L3MBTL1: variants seen among roughly 807,000 people sequenced by gnomAD.
The protein encoded by L3MBTL1 is lethal(3)malignant brain tumor-like protein 1.
In L3MBTL1, 75 loss-of-function variants were observed where a neutral mutation model predicts 105.3. The observed-to-expected ratio is 0.71, with a 90% CI of 0.59 to 0.86. The LOEUF (loss-of-function observed/expected upper bound fraction) is 0.86. L3MBTL1 is among the 40% of genes least tolerant of loss of function. L3MBTL1 has a pLI of 0.00. For synonymous variants in L3MBTL1, 452 were observed against 436.2 expected (o/e 1.04, Z -0.45); for missense variants, 1,069 against 1,126.4 (o/e 0.95, Z 0.73).
chr20:43,533,019 C>CATCTG, intron 12 of L3MBTL1, 95 bp downstream of exon 12: 1 of 1,219,686 alleles, frequency 8.2e-7, no homozygotes. Flanking sequence ...CCACTCAGTC[C>CATCTG]AGTTCTGACA....
intron 17 of L3MBTL1, 80 bp from the exon 18 acceptor site, chr20:43,536,017 C>T (rs549635911): frequency 4.2e-5 from 67 of 1,590,830 alleles, no homozygotes; most frequent in Middle Eastern, 1.7e-4. Flanking sequence ...CACCAAAACA[C>T]ACTCCAGCTG....
chr20:43,540,407 C>G (rs2019856536), intron 20 of L3MBTL1, 99 bp downstream of exon 20: 21 of 1,326,788 alleles, frequency 1.6e-5, no homozygotes, highest in Admixed American at 5.5e-5. Flanking sequence ...CCCGGTACCA[C>G]TCCTGGCACT....
chr20:43,548,657 T>G (rs1344275798), exon 19 of L3MBTL1: 1 of 153,324 alleles, frequency 6.5e-6, no homozygotes, highest in African/African-American at 2.4e-5. Flanking sequence ...TTTTCTCTCC[T>G]TGGCTCCTTT....
At chr20:43,527,434 C>T (rs1282962140) in intron 7 of L3MBTL1, among the ~76,000 whole-genome samples, 1 of 152,186 alleles carries the variant, frequency 6.6e-6, no homozygotes, top group African/African-American at 2.4e-5. Context: ...GAGGCTAGGA[C>T]TCCACCTCAG....
At chr20:43,515,548 G>A in intron 6 of L3MBTL1, 133 bp downstream of exon 6, 1 of 1,257,852 alleles carries the variant, frequency 8.0e-7, no homozygotes, top group Non-Finnish European at 1.1e-6. Context: ...ATCATATTTT[G>A]GGGTCCCATC....
rs1257309795 is a variant in L3MBTL1, at chr20:43,530,897, C to T, written c.1284+8C>T. 6.2e-7 allele frequency: 1 copy of T among 1,610,040 alleles called. No homozygotes were observed. The highest frequency in any genetic ancestry group is 1.3e-5 in the African/African-American group (1 of 74,986). ...TTTGTGAGCCAGAGCCACGTGAGTG[C>T]CCCTGAGTGAGAGTGGATGTCACTC... On this transcript the variant is annotated splice_region_variant and intron_variant, in intron 11 of 21. Transcript: ENST00000418998.
At chr20:43,515,592 T>C in intron 6 of L3MBTL1, 177 bp downstream of exon 6, 1 of 717,370 alleles carries the variant, frequency 1.4e-6, no homozygotes, top group Non-Finnish European at 2.2e-6. Context: ...TAAAGGGAAA[T>C]GAATTAATCA....
intron 7 of L3MBTL1, among the ~76,000 whole-genome samples, chr20:43,522,466 T>TTTTTTTTTTTG (rs2018777129): frequency 8.5e-6 from 1 of 117,260 alleles, no homozygotes; most frequent in Non-Finnish European, 1.8e-5. Flanking sequence ...AGTTTTTTTT[T>TTTTTTTTTTTG]TTTTTTTTTT....
intron 18 of L3MBTL1, among the ~76,000 whole-genome samples, chr20:43,547,369 G>T (rs1951993444): frequency 6.6e-6 from 1 of 152,166 alleles, no homozygotes. Flanking sequence ...CTCCCAAAGT[G>T]CTGGGATTAC....
At chr20:43,542,173 G>A (rs138232139), downstream of L3MBTL1, among the ~76,000 whole-genome samples, 620 of 152,314 alleles carry the variant, frequency 4.1e-3, 9 homozygotes, top group African/African-American at 0.014. Flanking sequence ...TTGCACCACT[G>A]CACTCCGGTC....
exon 19 of L3MBTL1, chr20:43,549,309 C>G (rs1978832357): frequency 6.6e-6 from 1 of 152,298 alleles, no homozygotes. Flanking sequence ...CTGTGTAGCA[C>G]ACACCCCCAT....
Position 43,535,885 on chromosome 20 carries a change from G to A in L3MBTL1, c.1874G>A (p.Ser625Asn). ...SASPGGCPPL[S>N]YRSLPHTRTS... ...TCCCCTGGGGGCTGTCCCCCTCTCA[G>A]CTATAGGAGCCTGCCCCACACTAGG... The change falls in exon 17 of 22, where the codon AGC becomes AAC. Residue 625 changes from serine (S) to asparagine (N), a missense_variant. By Grantham distance (46) the Ser-to-Asn change is conservative (BLOSUM62 1). Coordinates refer to ENST00000418998, the MANE Select transcript of L3MBTL1 (RefSeq NM_001377303.1). The A allele has an allele frequency of 6.2e-7, 1 of 1,613,240 alleles. No homozygotes were observed. The highest frequency in any genetic ancestry group is 8.5e-7 in the Non-Finnish European group (1 of 1,179,630).
rs376109118 is a variant in L3MBTL1 at position 43,530,297 on chromosome 20, G to A, written c.1070G>A (p.Arg357His). ...TCATGGGGCCAGGTATGTGGCTATC[G>A]CCTACGCCTGCACTTTGATGGGTAT... ...ILTVAEVCGY[R>H]LRLHFDGYSE... Residue 357 changes from arginine (R) to histidine (H), a missense_variant, in exon 10 of 22, where the codon CGC becomes CAC. Coordinates refer to ENST00000418998, the MANE Select transcript of L3MBTL1 (RefSeq NM_001377303.1). The A allele has an allele frequency of 5.0e-6, 8 of 1,613,874 alleles. No individual in the cohort carries two copies. The highest frequency in any genetic ancestry group is 6.8e-6 in the Non-Finnish European group (8 of 1,179,986).
rs539420919 is a variant in L3MBTL1, at chr20:43,514,521, G to A, written c.361-114G>A. 9.0e-6 allele frequency: 14 copies of A among 1,562,984 alleles called. No individual in the cohort carries two copies. The Admixed American group carries it at 1.1e-4, about 13-fold the overall frequency. On this transcript the variant is annotated intron_variant, in intron 3 of 21. Coordinates refer to ENST00000418998, the MANE Select transcript of L3MBTL1 (RefSeq NM_001377303.1). ...GAGGCCCCCTGGCGTGGAGTCTTGAGGCCTGCTGAGGGCGTGAGCTGGCAT... is the reference window on the plus strand; with the variant it reads ...GAGGCCCCCTGGCGTGGAGTCTTGAAGCCTGCTGAGGGCGTGAGCTGGCAT...
Position 43,513,456 on chromosome 20 carries a change from G to A in L3MBTL1, c.-28-20G>A. 1 of 1,543,502 alleles carries A rather than the reference G, an allele frequency of 6.5e-7. No homozygotes were observed. Among genetic ancestry groups the A allele is most frequent in the Non-Finnish European group, 8.7e-7 (1 of 1,143,058 alleles). ...AAAGGTCCCCACCTGATCACCCTGGGGGCTATGTTTGGCTTGTAGGCCTGC... is the reference window on the plus strand; with the variant it reads ...AAAGGTCCCCACCTGATCACCCTGGAGGCTATGTTTGGCTTGTAGGCCTGC... On this transcript the variant is annotated intron_variant, in intron 1 of 21. Transcript: ENST00000418998.
At position 43,529,387 on chromosome 20, in the gene L3MBTL1, C is replaced by A. The variant is rs1378855477; in HGVS notation, c.1056+19C>A. The A allele has an allele frequency of 1.9e-6, 3 of 1,544,196 alleles. No homozygotes were observed. Among genetic ancestry groups the A allele is most frequent in the Non-Finnish European group, 2.7e-6 (3 of 1,121,256 alleles). On this transcript the variant is annotated intron_variant, in intron 9 of 21. Transcript: ENST00000418998. Reference sequence around the variant, plus strand: ...GGCTGAGGTGAGCTGGGGCTTGGTACCACCTTTCTGATGATGTCTCTCAGT... The same window carrying A: ...GGCTGAGGTGAGCTGGGGCTTGGTAACACCTTTCTGATGATGTCTCTCAGT...
In L3MBTL1 at chr20:43,514,007, G is replaced by A. The variant is rs1395896604; in HGVS notation, c.306G>A (p.Val102=). The change falls in exon 3 of 22, where the codon GTG becomes GTA. Residue 102 remains valine (V), a synonymous_variant. Transcript: ENST00000418998. ...AGPASSSTST[V]RLLEWTEAAA... is the part of the protein sequence containing the mutation. ...CGGCCAGCTCCAGCACCAGCACAGT[G>A]CGGCTTCTGGAATGGACAGAGGCCG... is the stretch of plus-strand genomic sequence containing the variant. 5 of 1,541,730 alleles carry A rather than the reference G, an allele frequency of 3.2e-6. No homozygotes were observed. In the African/African-American group the frequency reaches 5.5e-5, roughly 17 times the overall value.
intron 4 of L3MBTL1, 63 bp downstream of exon 4, chr20:43,514,839 C>T: frequency 6.8e-7 from 1 of 1,479,766 alleles, no homozygotes; most frequent in Non-Finnish European, 9.0e-7. Context: ...GGCCTGAGCC[C>T]CAGAAGGTTC....
In L3MBTL1 at chr20:43,511,780, CAAAAA is replaced by C. The variant is rs35702977; in HGVS notation, c.-28-1680_-28-1676del. ...TGGGCAACAGAGCGAGACTCCATCT[CAAAAA>C]AAAAAAAAAAAAAAATTGGTAAAGA... On this transcript the variant is annotated intron_variant, in intron 1 of 21. Coordinates refer to ENST00000418998, the MANE Select transcript of L3MBTL1 (RefSeq NM_001377303.1). Among the ~76,000 whole-genome samples, 3 of 106,532 alleles carry C rather than the reference CAAAAA, an allele frequency of 2.8e-5. No individual in the cohort carries two copies. The Admixed American group carries it at 2.9e-4, about 10-fold the overall frequency. 69.9% of individuals were successfully genotyped at this position (106,532 alleles called of 152,430 possible).
Sources: allele counts gnomAD v4.1 joint callset (sites outside exome capture counted in the v4.1 genomes callset), GRCh38; gene constraint gnomAD v4.1.1; transcripts MANE v1.5; gene names NCBI Gene and HGNC (gene_info 2026-07-23, HGNC 2026-07-21).